The following GABBR1 variants were observed in gnomAD, a reference collection of about 807,000 sequenced individuals.
GABBR1 encodes the protein gamma-aminobutyric acid type B receptor subunit 1, also known as GABA-B receptor, R1 subunit.
GABBR1 carries 35 observed loss-of-function variants against 117.7 expected under a neutral mutation model. The ratio of observed to expected loss-of-function variants is 0.30; its 90% CI spans 0.23 to 0.39. The LOEUF is 0.39. GABBR1 is among the 10% of genes least tolerant of loss of function. The pLI is 1.00. For missense variants in GABBR1, 709 were observed against 1,241.8 expected, an observed-to-expected ratio of 0.57 and a Z score of 6.45; for synonymous variants, 442 against 486.6, an observed-to-expected ratio of 0.91 and a Z score of 1.21.
At chr6:29,626,848 C>CT (rs1757080630) in intron 6 of GABBR1, among the ~76,000 whole-genome samples, 2 of 152,132 alleles carry the variant, frequency 1.3e-5, no homozygotes, top group African/African-American at 4.8e-5. Flanking sequence ...CTCTGCCCAC[C>CT]TCTTGATCAT....
At chr6:29,629,233 C>G in intron 4 of GABBR1, 126 bp from the exon 5 acceptor site, 1 of 1,080,374 alleles carries the variant, frequency 9.3e-7, no homozygotes, top group South Asian at 1.3e-5. Flanking sequence ...GCCTGCGTTT[C>G]TGAGGGGAGG....
intron 6 of GABBR1, among the ~76,000 whole-genome samples, chr6:29,625,316 T>G (rs17178014): frequency 0.098 from 14,885 of 152,178 alleles, 854 homozygotes; most frequent in Middle Eastern, 0.21. Flanking sequence ...TGCTCCCAGC[T>G]TCTCCCACAG....
In GABBR1 at chr6:29,606,738, T is replaced by C. The variant is rs147728882; in HGVS notation, c.2217+159A>G. Reference sequence around the variant, plus strand: ...TTCTTCAGCTGAATCTGGAGGCCTATGAGGGGCTCCTTCTAGGAAGGAAAG... The same window carrying C: ...TTCTTCAGCTGAATCTGGAGGCCTACGAGGGGCTCCTTCTAGGAAGGAAAG... On this transcript the variant is annotated intron_variant, in intron 18 of 22. Coordinates refer to ENST00000377034, the MANE Select transcript of GABBR1 (RefSeq NM_001470.4). This position sits in a 1 kb window ranked among gnomAD's most constrained non-coding sequence, Gnocchi z 4.5. The C allele has an allele frequency of 3.0e-6, 2 of 672,314 alleles. No homozygotes were observed. Among genetic ancestry groups the C allele is most frequent in the African/African-American group, 3.6e-5 (2 of 55,464 alleles). The allele number at this position is 672,314 out of a possible 1,614,324, so 41.6% of individuals were successfully genotyped here.
rs1395435180 is a variant in GABBR1, at chr6:29,622,605, T to C, written c.964-400A>G. 9.7e-6 allele frequency: 2 copies of C among 206,064 alleles called. No individual in the cohort carries two copies. Among genetic ancestry groups the C allele is most frequent in the East Asian group, 2.2e-4 (2 of 9,016 alleles). The allele number at this position is 206,064 out of a possible 1,614,324, so 12.8% of individuals were successfully genotyped here. A position where few individuals can be genotyped will look rare whatever the true frequency, so the allele number is the denominator to read the frequency against. ...GACAAAGGATCAGAGAAGAATGGTC[T>C]GAATCAGAGTGAAAGTGGGGGAGGA... On this transcript the variant is annotated intron_variant, in intron 8 of 22. Transcript: ENST00000377034. This position sits in a 1 kb window ranked among gnomAD's most constrained non-coding sequence, Gnocchi z 4.6.
At position 29,609,226 on chromosome 6, in the gene GABBR1, T is replaced by C. The variant is rs1273607930; in HGVS notation, c.1859+3A>G. The stretch of plus-strand genomic sequence containing the variant: ...CAAGGAAAACGTCAGAAGAGAAACT[T>C]ACCGGACATGTGAGTTGTAGATGTT... On this transcript the variant is annotated splice_donor_region_variant and intron_variant, in intron 15 of 22. Coordinates refer to ENST00000377034, the MANE Select transcript of GABBR1 (RefSeq NM_001470.4). The surrounding 1 kb of genome is among the most constrained non-coding windows in gnomAD (Gnocchi z 4.3). 6.2e-7 allele frequency: 1 copy of C among 1,612,890 alleles called. No homozygotes were observed.
chr6:29,614,619 A>G (rs1368063923), intron 11 of GABBR1, among the ~76,000 whole-genome samples: 1 of 152,224 alleles, frequency 6.6e-6, no homozygotes, highest in Non-Finnish European at 1.5e-5. Context: ...TCTACCCTTG[A>G]GGACAAGACC....
At chr6:29,616,700 AG>A (rs1554188819) in intron 11 of GABBR1, among the ~76,000 whole-genome samples, 1 of 123,822 alleles carries the variant, frequency 8.1e-6, no homozygotes, top group Non-Finnish European at 1.8e-5. Context: ...AAAAAAAAAA[AG>A]TTAGCCAGAC....
intron 15 of GABBR1, 29 bp from the exon 16 acceptor site, chr6:29,608,762 G>A: frequency 6.2e-7 from 1 of 1,607,968 alleles, no homozygotes. Context: ...GGGTGAGAGG[G>A]AGAGAGAATT....
At chr6:29,619,686 C>T (rs1582993282) in intron 11 of GABBR1, among the ~76,000 whole-genome samples, 1 of 124,126 alleles carries the variant, frequency 8.1e-6, no homozygotes, top group Admixed American at 8.0e-5. Flanking sequence ...CCTCCTCTAG[C>T]TCCCTGCTAT....
Position 29,609,688 on chromosome 6 carries a change from T to C in GABBR1, c.1709-309A>G, listed in dbSNP as rs1762340734. On this transcript the variant is annotated intron_variant, in intron 14 of 22. Coordinates refer to ENST00000377034, the MANE Select transcript of GABBR1 (RefSeq NM_001470.4). This position sits in a 1 kb window ranked among gnomAD's most constrained non-coding sequence, Gnocchi z 4.3. ...TCTTTGTTTTTGTTTGTTCTTTAAG[T>C]TTTTCTGTCTTTCTTACAGCAAAGG... 6.6e-6 allele frequency among the ~76,000 whole-genome samples: 1 copy of C among 152,096 alleles called. No homozygotes were observed. Among genetic ancestry groups the C allele is most frequent in the African/African-American group, 2.4e-5 (1 of 41,396 alleles).
At position 29,632,335 on chromosome 6, in the gene GABBR1, C is replaced by A; in HGVS notation, c.51G>T (p.Ala17=). 7.3e-7 allele frequency: 1 copy of A among 1,368,632 alleles called. No homozygotes were observed. Among genetic ancestry groups the A allele is most frequent in the Admixed American group, 3.8e-5 (1 of 26,422 alleles). The allele number at this position is 1,368,632 out of a possible 1,614,324, so 84.8% of individuals were successfully genotyped here. A position where few individuals can be genotyped will look rare whatever the true frequency, so the allele number is the denominator to read the frequency against. Residue 17 remains alanine, a synonymous_variant, in exon 2 of 23, where the codon GCG becomes GCT. Transcript: ENST00000377034. The surrounding 1 kb of genome is among the most constrained non-coding windows in gnomAD (Gnocchi z 5.8). ...TGGCGTTGGGGGTCTGCGCCCCGCC[C>A]GCGCCCGGGGGGCGGAGGAAGAGTG... ...LAPLFLRPPG[A]GGAQTPNATS...
Position 29,630,332 on chromosome 6 carries a change from C to T in GABBR1, c.475+126G>A, listed in dbSNP as rs1764828440. On this transcript the variant is annotated intron_variant, in intron 4 of 22. Coordinates refer to ENST00000377034, the MANE Select transcript of GABBR1 (RefSeq NM_001470.4). The surrounding 1 kb of genome is among the most constrained non-coding windows in gnomAD (Gnocchi z 4.9). ...ATGGAGGAAAAAGGGACTTTCATCT[C>T]CCCTTTCCAGTGTCCTCCCCCACAT... The T allele has an allele frequency of 3.6e-6, 3 of 824,984 alleles. No homozygotes were observed. The highest frequency in any genetic ancestry group is 5.7e-6 in the Non-Finnish European group (3 of 527,178). The allele number at this position is 824,984 out of a possible 1,614,324, so 51.1% of individuals were successfully genotyped here.
Position 29,609,163 on chromosome 6 carries a change from C to A in GABBR1, c.1859+66G>T. 1.3e-6 allele frequency: 2 copies of A among 1,498,560 alleles called. No individual in the cohort carries two copies. The highest frequency in any genetic ancestry group is 9.2e-7 in the Non-Finnish European group (1 of 1,081,766). 92.8% of individuals were successfully genotyped at this position (1,498,560 alleles called of 1,614,324 possible). ...GGAGTTACACAGGTTTTATTCTCAT[C>A]CTGTCCAGGAACATGATCAGTATCT... On this transcript the variant is annotated intron_variant, in intron 15 of 22. Transcript: ENST00000377034. This position sits in a 1 kb window ranked among gnomAD's most constrained non-coding sequence, Gnocchi z 4.3.
chr6:29,603,846 G>T, intron 22 of GABBR1, 130 bp from the exon 23 acceptor site: 1 of 545,858 alleles, frequency 1.8e-6, no homozygotes, highest in Non-Finnish European at 3.0e-6. Flanking sequence ...AGGACGTAGG[G>T]TAAGTGGACA....
chr6:29,632,300 C>A lies in GABBR1; in HGVS notation c.85+1G>T. The stretch of plus-strand genomic sequence containing the variant: ...CCGGAGGTCGTCGAAGAAGGATGCA[C>A]CTTCTGAGGTGGCGTTGGGGGTCTG... On this transcript the variant is annotated splice_donor_variant, in intron 2 of 22. Transcript: ENST00000377034. LOFTEE classifies it high-confidence loss of function. This position sits in a 1 kb window ranked among gnomAD's most constrained non-coding sequence, Gnocchi z 5.8. 7.2e-7 allele frequency: 1 copy of A among 1,380,256 alleles called. No individual in the cohort carries two copies. The highest frequency in any genetic ancestry group is 9.4e-7 in the Non-Finnish European group (1 of 1,063,870). 85.5% of individuals were successfully genotyped at this position (1,380,256 alleles called of 1,614,324 possible).
At position 29,621,247 on chromosome 6, in the gene GABBR1, T is replaced by C. The variant is rs1211086004; in HGVS notation, c.1177A>G (p.Ile393Val). The C allele has an allele frequency of 6.2e-7, 1 of 1,613,080 alleles. No homozygotes were observed. The highest frequency in any genetic ancestry group is 1.7e-5 in the Admixed American group (1 of 60,032). ...LFGKKYVWFL[I>V]GWYADNWFKI... is the part of the protein sequence containing the mutation. ...AACCAATTGTCAGCATACCACCCAATGAGGAACCAGACGTACTTCTTCCCA... is the reference window on the plus strand; with the variant it reads ...AACCAATTGTCAGCATACCACCCAACGAGGAACCAGACGTACTTCTTCCCA... Residue 393 changes from isoleucine to valine, a missense_variant, in exon 11 of 23, where the codon ATT becomes GTT. Ile to Val is a conservative substitution (Grantham distance 29). Transcript: ENST00000377034. The surrounding 1 kb of genome is among the most constrained non-coding windows in gnomAD (Gnocchi z 5.0).
chr6:29,615,509 T>C (rs541284246), intron 11 of GABBR1, among the ~76,000 whole-genome samples: 1 of 149,222 alleles, frequency 6.7e-6, no homozygotes, highest in Admixed American at 6.8e-5. Context: ...CTTGGGAAGC[T>C]GAGGTAGAAG....
In GABBR1 at chr6:29,602,807, C is replaced by G. The variant is rs1582939181; in HGVS notation, c.*736G>C. 2.8e-6 allele frequency: 1 copy of G among 356,426 alleles called. No homozygotes were observed. Among genetic ancestry groups the G allele is most frequent in the African/African-American group, 2.1e-5 (1 of 46,700 alleles). The allele number at this position is 356,426 out of a possible 1,614,324, so 22.1% of individuals were successfully genotyped here. On this transcript the variant is annotated 3_prime_UTR_variant, in exon 23 of 23. Transcript: ENST00000377034. Reference sequence around the variant, plus strand: ...CTACCCAAACACGCTCAAGGGCAGACCCATGACCATGAGAGGGGCACACGT... The same window carrying G: ...CTACCCAAACACGCTCAAGGGCAGAGCCATGACCATGAGAGGGGCACACGT...
rs961435074 is a variant in GABBR1, at chr6:29,627,094, C to T, written c.657+392G>A. ...TGTTACCATGGTAAATGTAAACCCC[C>T]AATCCAGCTCCCCACCTCTGACATT... On this transcript the variant is annotated intron_variant, in intron 6 of 22. Transcript: ENST00000377034. This position sits in a 1 kb window ranked among gnomAD's most constrained non-coding sequence, Gnocchi z 4.4. Among the ~76,000 whole-genome samples, 1 of 152,136 alleles carries T rather than the reference C, an allele frequency of 6.6e-6. No homozygotes were observed. Among genetic ancestry groups the T allele is most frequent in the African/African-American group, 2.4e-5 (1 of 41,404 alleles).
Sources: allele counts gnomAD v4.1 joint callset (sites outside exome capture counted in the v4.1 genomes callset), GRCh38; gene constraint gnomAD v4.1.1; non-coding constraint Gnocchi (gnomAD v3.1); transcripts MANE v1.5; gene names NCBI Gene and HGNC (gene_info 2026-07-23, HGNC 2026-07-21).